SRGAP1: variants seen among roughly 807,000 people sequenced by gnomAD.
SRGAP1 encodes the protein SLIT-ROBO Rho GTPase-activating protein 1.
SRGAP1 carries 43 observed loss-of-function variants against 121.9 expected under a neutral mutation model. That is an observed-to-expected ratio of 0.35 (90% CI 0.28 to 0.46). The LOEUF is 0.46. Ranked by LOEUF, SRGAP1 falls within the 20% of genes least tolerant of loss-of-function variation. The pLI is 1.00. For missense variants in SRGAP1, 1,102 were observed against 1,350.9 expected, an observed-to-expected ratio of 0.82 and a Z score of 2.89; for synonymous variants, 447 against 485.4, an observed-to-expected ratio of 0.92 and a Z score of 1.04.
chr12:63,902,140 C>A (rs1037817719), intron 1 of SRGAP1, among the ~76,000 whole-genome samples: 42 of 152,188 alleles, frequency 2.8e-4, no homozygotes, highest in African/African-American at 9.9e-4. Context: ...CATGGTGAAA[C>A]CCCATCGCTA....
Position 63,864,131 on chromosome 12 carries a change from T to A in SRGAP1, c.67+19248T>A, listed in dbSNP as rs149308266. On this transcript the variant is annotated intron_variant, in intron 1 of 21. Transcript: ENST00000355086. ...GGTTAAACTTAATTTAATAGTATTC[T>A]CCACATACCTAATCTATGAATAAGC... Among the ~76,000 whole-genome samples, 32 of 152,306 alleles carry A rather than the reference T, an allele frequency of 2.1e-4. No individual in the cohort carries two copies. The East Asian group carries it at 5.6e-3, about 27-fold the overall frequency.
At chr12:63,991,256 C>T (rs908759034) in intron 3 of SRGAP1, among the ~76,000 whole-genome samples, 9 of 152,050 alleles carry the variant, frequency 5.9e-5, no homozygotes, top group Admixed American at 3.3e-4. Context: ...CAGAAAGTAG[C>T]GGGGAGAAAA....
At chr12:64,047,853 CTATA>C (rs1199313223) in intron 6 of SRGAP1, among the ~76,000 whole-genome samples, 1 of 152,066 alleles carries the variant, frequency 6.6e-6, no homozygotes, top group East Asian at 1.9e-4. Context: ...ATTTTTATGA[CTATA>C]TAGTAGGTAT....
At chr12:63,925,644 A>G (rs889575314) in intron 1 of SRGAP1, among the ~76,000 whole-genome samples, 2 of 152,246 alleles carry the variant, frequency 1.3e-5, no homozygotes, top group Non-Finnish European at 2.9e-5. Context: ...AAGTAGAAAA[A>G]GGAATAAAGC....
intron 4 of SRGAP1, among the ~76,000 whole-genome samples, chr12:64,018,182 G>T (rs1006824926): frequency 6.6e-6 from 1 of 152,070 alleles, no homozygotes; most frequent in African/African-American, 2.4e-5. Context: ...TCTGCCTCCC[G>T]GGTTTGAGCA....
intron 1 of SRGAP1, among the ~76,000 whole-genome samples, chr12:63,961,494 C>T (rs761885525): frequency 1.7e-4 from 26 of 152,274 alleles, no homozygotes; most frequent in South Asian, 4.1e-4. Flanking sequence ...GATTCCAGAT[C>T]GTATATGTAG....
rs146130734 is a variant in SRGAP1 at position 64,111,732 on chromosome 12, T to C, written c.1920-30T>C. The C allele has an allele frequency of 1.6e-3, 2,432 of 1,542,894 alleles. 11 individuals carry two copies. The highest frequency in any genetic ancestry group is 0.011 in the South Asian group (896 of 82,752). Reference sequence around the variant, plus strand: ...ATATCCTTTTTTTCTCTTTGTTCTTTTATAACTCCTTTCTTGTTTCCTTTT... The same window carrying C: ...ATATCCTTTTTTTCTCTTTGTTCTTCTATAACTCCTTTCTTGTTTCCTTTT... On this transcript the variant is annotated intron_variant, in intron 16 of 21. Coordinates refer to ENST00000355086, the MANE Select transcript of SRGAP1 (RefSeq NM_020762.4).
At chr12:63,923,587 G>A (rs575106426) in intron 1 of SRGAP1, among the ~76,000 whole-genome samples, 6 of 152,190 alleles carry the variant, frequency 3.9e-5, no homozygotes, top group East Asian at 1.9e-4. Flanking sequence ...ATCTGCTTCC[G>A]AATGCCCATT....
chr12:63,980,029 G>C lies in SRGAP1; in HGVS notation c.68-3918G>C, dbSNP rs139572867. Among the ~76,000 whole-genome samples, 804 of 152,330 alleles carry C rather than the reference G, an allele frequency of 5.3e-3. 5 individuals are homozygous for C. Among genetic ancestry groups the C allele is most frequent in the African/African-American group, 0.018 (736 of 41,574 alleles). On this transcript the variant is annotated intron_variant, in intron 1 of 21. Transcript: ENST00000355086. The stretch of plus-strand genomic sequence containing the variant: ...GGCAGGATTCATGCAGTGTGGGGCC[G>C]AGTGCACCATGGGCTTCCTTGATTT...
intron 14 of SRGAP1, among the ~76,000 whole-genome samples, chr12:64,096,372 G>A (rs1391375827): frequency 6.6e-6 from 1 of 152,070 alleles, no homozygotes; most frequent in Non-Finnish European, 1.5e-5. Flanking sequence ...ACGTTAAAAT[G>A]CAATGCACAC....
intron 6 of SRGAP1, among the ~76,000 whole-genome samples, chr12:64,057,422 G>C (rs371451013): frequency 6.6e-6 from 1 of 152,144 alleles, no homozygotes; most frequent in East Asian, 1.9e-4. Flanking sequence ...CTCACAAAAT[G>C]TGTTTGTGGT....
intron 21 of SRGAP1, among the ~76,000 whole-genome samples, chr12:64,134,349 A>T (rs1393947471): frequency 1.3e-5 from 2 of 151,388 alleles, no homozygotes; most frequent in Admixed American, 1.3e-4. Flanking sequence ...TGAACCCGGG[A>T]GGCAGAGCTT....
At chr12:63,953,399 A>ATTTTTTTTTTTTTTTTTTTTTTTTT in intron 1 of SRGAP1, among the ~76,000 whole-genome samples, 1 of 114,702 alleles carries the variant, frequency 8.7e-6, no homozygotes, top group Non-Finnish European at 1.8e-5. Context: ...TTCTTGATTG[A>ATTTTTTTTTTTTTTTTTTTTTTTTT]TTTTTTTTTT....
chr12:64,120,369 A>T (rs987793754), intron 18 of SRGAP1: 2 of 152,174 alleles, frequency 1.3e-5, no homozygotes, highest in East Asian at 1.9e-4. Flanking sequence ...CTAGGACAAC[A>T]TTGAATTTTT....
intron 1 of SRGAP1, among the ~76,000 whole-genome samples, chr12:63,900,443 G>A (rs73315387): frequency 0.15 from 22,669 of 151,310 alleles, 1,835 homozygotes; most frequent in Middle Eastern, 0.21. Flanking sequence ...TGTCCTTGTG[G>A]TCCACCCGCC....
At chr12:64,008,470 A>G (rs2034154159) in intron 3 of SRGAP1, among the ~76,000 whole-genome samples, 1 of 152,150 alleles carries the variant, frequency 6.6e-6, no homozygotes, top group African/African-American at 2.4e-5. Flanking sequence ...GCCAAATGTC[A>G]ATCTTTAAAG....
chr12:63,940,770 G>A (rs1011177534), intron 1 of SRGAP1, among the ~76,000 whole-genome samples: 2 of 152,164 alleles, frequency 1.3e-5, no homozygotes, highest in African/African-American at 2.4e-5. Flanking sequence ...GGTTATCATC[G>A]TTGGAGGCAA....
intron 1 of SRGAP1, among the ~76,000 whole-genome samples, chr12:63,873,533 CAAA>C (rs1337537568): frequency 4.0e-5 from 2 of 49,522 alleles, no homozygotes; most frequent in Admixed American, 4.6e-4. Flanking sequence ...AAATCCGTCT[CAAA>C]AAAAAAAAAA....
In SRGAP1 at chr12:64,158,332, C is replaced by CTAAAT. The variant is rs1237211837; in HGVS notation, c.*15664_*15665insTTAAA. 6.6e-6 allele frequency: 1 copy of CTAAAT among 152,170 alleles called. No homozygotes were observed. The highest frequency in any genetic ancestry group is 1.5e-5 in the Non-Finnish European group (1 of 68,032). 9.4% of individuals were successfully genotyped at this position (152,170 alleles called of 1,614,324 possible). A position where few individuals can be genotyped will look rare whatever the true frequency, so the allele number is the denominator to read the frequency against. ...TTTCTGGTTTGTCAGGGATGAAATA[C>CTAAAT]TAAAGCAACTTCATGGATTGTGATT... On this transcript the variant is annotated 3_prime_UTR_variant, in exon 22 of 22. Coordinates refer to ENST00000355086, the MANE Select transcript of SRGAP1 (RefSeq NM_020762.4).
Sources: allele counts gnomAD v4.1 joint callset (sites outside exome capture counted in the v4.1 genomes callset), GRCh38; gene constraint gnomAD v4.1.1; transcripts MANE v1.5; gene names NCBI Gene and HGNC (gene_info 2026-07-23, HGNC 2026-07-21).